The following RORA variants were observed in gnomAD, a reference collection of about 807,000 sequenced individuals.
RORA encodes nuclear receptor ROR-alpha.
A neutral mutation model predicts 69.5 loss-of-function variants in RORA; 7 were observed. That is an observed-to-expected ratio of 0.10 (90% CI 0.06 to 0.19). The LOEUF is 0.19. RORA is among the 10% of genes least tolerant of loss of function. The probability of loss-of-function intolerance (pLI) is 1.00; values close to 1 mark genes in which losing one functional copy is unlikely to be tolerated. For missense variants in RORA, 457 were observed against 663.0 expected (o/e 0.69, Z 3.41); for synonymous variants, 261 against 240.8 (o/e 1.08, Z -0.78).
intron 2 of RORA, among the ~76,000 whole-genome samples, chr15:60,670,892 T>C (rs982649397): frequency 2.0e-5 from 3 of 152,062 alleles, no homozygotes; most frequent in African/African-American, 7.3e-5. Context: ...GATCACTCTC[T>C]TCTTGTTTTA....
At chr15:61,049,007 GGC>G (rs1897173281) in intron 1 of RORA, among the ~76,000 whole-genome samples, 1 of 152,162 alleles carries the variant, frequency 6.6e-6, no homozygotes, top group Non-Finnish European at 1.5e-5. Flanking sequence ...CTGAGGCAGT[GGC>G]TCTGAATCAT....
At chr15:60,591,698 C>T (rs2140520762) in intron 2 of RORA, among the ~76,000 whole-genome samples, 1 of 152,310 alleles carries the variant, frequency 6.6e-6, no homozygotes, top group South Asian at 2.1e-4. Context: ...AAGTGTCAAG[C>T]GGGGTGCGCC....
chr15:61,219,928 G>A (rs1012248507), intron 1 of RORA, among the ~76,000 whole-genome samples: 2 of 152,144 alleles, frequency 1.3e-5, no homozygotes, highest in Non-Finnish European at 2.9e-5. Context: ...TGTAGCTTCA[G>A]TTCTTCTTCT....
In RORA at chr15:60,680,704, A is replaced by G. The variant is rs941372261; in HGVS notation, c.167-2018T>C. 3.9e-5 allele frequency among the ~76,000 whole-genome samples: 6 copies of G among 152,372 alleles called. No individual in the cohort carries two copies. In the East Asian group the frequency reaches 1.2e-3, roughly 29 times the overall value. On this transcript the variant is annotated intron_variant, in intron 1 of 10. Coordinates refer to ENST00000335670, the MANE Select transcript of RORA (RefSeq NM_134261.3). ...TTAGTAGATAAAATACAGGCTACCC[A>G]GTGAAATTTGAATTTCTGATACTAA...
intron 1 of RORA, among the ~76,000 whole-genome samples, chr15:61,042,736 G>A (rs1896841624): frequency 1.3e-5 from 2 of 152,196 alleles, no homozygotes; most frequent in Admixed American, 1.3e-4. Context: ...TCCCTCCATA[G>A]CCTGCTTCTT....
chr15:60,864,675 C>G lies in RORA; in HGVS notation c.167-185989G>C, dbSNP rs149503248. On this transcript the variant is annotated intron_variant, in intron 1 of 10. Coordinates refer to ENST00000335670, the MANE Select transcript of RORA (RefSeq NM_134261.3). ...GGTAAGTAACTCAGGAACATTATAT[C>G]ACTGTACATTCTGACTATAAGGAAT... Among the ~76,000 whole-genome samples, 1,376 of 152,306 alleles carry G rather than the reference C, an allele frequency of 9.0e-3. 24 individuals carry two copies. Among genetic ancestry groups the G allele is most frequent in the Non-Finnish European group, 9.6e-3 (655 of 68,028 alleles).
At chr15:61,169,527 C>T (rs1469359511) in intron 1 of RORA, among the ~76,000 whole-genome samples, 1 of 151,288 alleles carries the variant, frequency 6.6e-6, no homozygotes. Context: ...TCACACGGGA[C>T]GTAAACACCA....
intron 1 of RORA, chr15:61,183,200 A>G (rs2079704588): frequency 6.6e-6 from 1 of 152,236 alleles, no homozygotes; most frequent in South Asian, 2.1e-4. Context: ...TGCCTGTACT[A>G]TCTTTACAAC....
chr15:60,930,539 G>A lies in RORA; in HGVS notation c.167-251853C>T, dbSNP rs117662342. Among the ~76,000 whole-genome samples the A allele has an allele frequency of 5.0e-4, 76 of 152,328 alleles. 2 individuals carry two copies. The East Asian group carries it at 0.014, about 29-fold the overall frequency. ...TAGAAAACACCTATAGATGCAAAGT[G>A]CCAGGAGTCCTCAGCCTCCCCTAGC... On this transcript the variant is annotated intron_variant, in intron 1 of 10. Coordinates refer to ENST00000335670, the MANE Select transcript of RORA (RefSeq NM_134261.3).
intron 1 of RORA, among the ~76,000 whole-genome samples, chr15:60,941,799 C>T (rs985011182): frequency 6.6e-6 from 1 of 152,208 alleles, no homozygotes; most frequent in African/African-American, 2.4e-5. Context: ...TTCATCTCTT[C>T]AAAGATCCTG....
At position 60,666,352 on chromosome 15, in the gene RORA, T is replaced by C. The variant is rs77882393; in HGVS notation, c.196+12305A>G. Among the ~76,000 whole-genome samples, 381 of 147,642 alleles carry C rather than the reference T, an allele frequency of 2.6e-3. 3 individuals are homozygous for C. Among genetic ancestry groups the C allele is most frequent in the South Asian group, 4.3e-3 (20 of 4,656 alleles). On this transcript the variant is annotated intron_variant, in intron 2 of 10. Transcript: ENST00000335670. ...ATAGCTACTTAATTTCTTTCTTTTT[T>C]TTTTTTTTTTTTTTGTAGATACCTG... is the stretch of plus-strand genomic sequence containing the variant.
intron 1 of RORA, among the ~76,000 whole-genome samples, chr15:60,757,341 G>A (rs7162065): frequency 0.2 from 31,066 of 151,878 alleles, 3,743 homozygotes; most frequent in African/African-American, 0.34. Flanking sequence ...TACACAGCCA[G>A]CCAACCAGCT....
At chr15:61,199,061 G>A (rs545988786) in intron 1 of RORA, among the ~76,000 whole-genome samples, 161 of 152,152 alleles carry the variant, frequency 1.1e-3, no homozygotes, top group African/African-American at 3.6e-3. Flanking sequence ...CCTTCTCTGC[G>A]AAGCCTTAGA....
In RORA at chr15:61,128,722, T is replaced by C. The variant is rs569587857; in HGVS notation, c.166+100331A>G. 1.3e-5 allele frequency among the ~76,000 whole-genome samples: 2 copies of C among 152,178 alleles called. No homozygotes were observed. Among genetic ancestry groups the C allele is most frequent in the African/African-American group, 2.4e-5 (1 of 41,426 alleles). ...AGGGAAGGGGAAATAACTCCTGAAT[T>C]TCCTCCAGGGGAGTAAAAGCAGATC... On this transcript the variant is annotated intron_variant, in intron 1 of 10. Coordinates refer to ENST00000335670, the MANE Select transcript of RORA (RefSeq NM_134261.3). The surrounding 1 kb of genome is among the most constrained non-coding windows in gnomAD (Gnocchi z 4.5).
At chr15:60,890,727 T>C (rs373026960) in intron 1 of RORA, among the ~76,000 whole-genome samples, 1 of 152,248 alleles carries the variant, frequency 6.6e-6, no homozygotes, top group African/African-American at 2.4e-5. Flanking sequence ...CTTTGTAAAC[T>C]ACAGGCCAGA....
intron 3 of RORA, among the ~76,000 whole-genome samples, chr15:60,518,119 C>T (rs746345412): frequency 2.6e-5 from 4 of 152,198 alleles, no homozygotes; most frequent in Non-Finnish European, 5.9e-5. Flanking sequence ...CCACCTCGGT[C>T]CCCCAAGTAG....
At chr15:60,900,743 G>A (rs775765547) in intron 1 of RORA, among the ~76,000 whole-genome samples, 6 of 152,006 alleles carry the variant, frequency 3.9e-5, no homozygotes, top group South Asian at 2.1e-4. Context: ...GTGGTGGTGT[G>A]CGCCTGTAGT....
intron 3 of RORA, chr15:60,529,373 TA>T (rs1047297469): frequency 6.6e-6 from 1 of 152,232 alleles, no homozygotes; most frequent in Non-Finnish European, 1.5e-5. Flanking sequence ...TCTATTTTTA[TA>T]ACTAGGAATA....
intron 2 of RORA, among the ~76,000 whole-genome samples, chr15:60,659,261 G>A (rs148561532): frequency 6.6e-6 from 1 of 152,282 alleles, no homozygotes; most frequent in East Asian, 1.9e-4. Context: ...ATGATAGAGT[G>A]GAAAAGGGTA....
Sources: allele counts gnomAD v4.1 joint callset (sites outside exome capture counted in the v4.1 genomes callset), GRCh38; gene constraint gnomAD v4.1.1; non-coding constraint Gnocchi (gnomAD v3.1); transcripts MANE v1.5; gene names NCBI Gene and HGNC (gene_info 2026-07-23, HGNC 2026-07-21).